The following TTLL3 variants were observed in gnomAD, a reference collection of about 807,000 sequenced individuals.
TTLL3 encodes the protein tubulin tyrosine ligase like 3.
A neutral mutation model predicts 75.2 loss-of-function variants in TTLL3; 63 were observed. That is an observed-to-expected ratio of 0.84 (90% CI 0.68 to 1.03). The LOEUF (loss-of-function observed/expected upper bound fraction) is 1.03. TTLL3 is among the 50% of genes least tolerant of loss of function. TTLL3 has a pLI of 0.00. For missense variants in TTLL3, 997 were observed against 1,069.9 expected, an observed-to-expected ratio of 0.93 and a Z score of 0.95; for synonymous variants, 393 against 418.5, an observed-to-expected ratio of 0.94 and a Z score of 0.74.
chr3:9,834,899 C>T lies in TTLL3; in HGVS notation c.2044C>T (p.Pro682Ser). ...DFKVAPSILK[P>S]RKAPALLCLR... ...CAAGGTGGCACCCAGCATCCTGAAGCCAAGAAAGGTGGGCCTCGACCTGTG... is the reference window on the plus strand; with the variant it reads ...CAAGGTGGCACCCAGCATCCTGAAGTCAAGAAAGGTGGGCCTCGACCTGTG... The change falls in exon 13 of 14, where the codon CCA (proline) becomes TCA (serine). Residue 682 changes from proline to serine, a missense_variant. Coordinates refer to ENST00000685419, the MANE Select transcript of TTLL3 (RefSeq NM_001387446.1). The T allele has an allele frequency of 6.2e-7, 1 of 1,614,224 alleles. No individual in the cohort carries two copies. Among genetic ancestry groups the T allele is most frequent in the Non-Finnish European group, 8.5e-7 (1 of 1,180,046 alleles).
chr3:9,824,737 CTTTT>C (rs71052207), intron 8 of TTLL3, among the ~76,000 whole-genome samples: 4 of 80,678 alleles, frequency 5.0e-5, no homozygotes, highest in Non-Finnish European at 7.3e-5. Flanking sequence ...CTTTTCTTTT[CTTTT>C]TTTTTTTTTT....
chr3:9,835,104 T>G lies in TTLL3; in HGVS notation c.2063T>G (p.Leu688Arg), dbSNP rs541205147. The G allele has an allele frequency of 6.2e-7, 1 of 1,610,338 alleles. No homozygotes were observed. The highest frequency in any genetic ancestry group is 1.1e-5 in the South Asian group (1 of 90,628). Residue 688 changes from leucine to arginine, a missense_variant, in exon 14 of 14, where the codon CTC becomes CGC. Transcript: ENST00000685419. The stretch of plus-strand genomic sequence containing the variant: ...TCCTTTCACACCGAGGCTCCTGCTC[T>G]CCTGTGCCTCCGAGGCCCCCAGCTG... The part of the protein sequence containing the change: ...SILKPRKAPA[L>R]LCLRGPQLEV...
In TTLL3 at chr3:9,820,585, T is replaced by C. The variant is rs775244521; in HGVS notation, c.698T>C (p.Leu233Ser). The C allele has an allele frequency of 2.5e-6, 4 of 1,614,056 alleles. No homozygotes were observed. In the Admixed American group the frequency reaches 6.7e-5, roughly 27 times the overall value. The change falls in exon 8 of 14, where the codon TTG becomes TCG. Residue 233 changes from leucine to serine, a missense_variant. Leu to Ser is a moderately radical substitution (Grantham distance 145). Coordinates refer to ENST00000685419, the MANE Select transcript of TTLL3 (RefSeq NM_001387446.1). Reference sequence around the variant, plus strand: ...AAGAAACAGGAGAAAAACCCAGTGTTGGTGTCCCCAGAGTTTGTGGATGAA... The same window carrying C: ...AAGAAACAGGAGAAAAACCCAGTGTCGGTGTCCCCAGAGTTTGTGGATGAA... ...QPKKQEKNPV[L>S]VSPEFVDEAL...
At position 9,834,733 on chromosome 3, in the gene TTLL3, T is replaced by A; in HGVS notation, c.1878T>A (p.His626Gln). The change falls in exon 13 of 14, where the codon CAT becomes CAA. Residue 626 changes from histidine to glutamine, a missense_variant. Transcript: ENST00000685419. Reference protein sequence around the residue: ...LHTKAQLPSPHVLRHQGQVLR... With the variant: ...LHTKAQLPSPQVLRHQGQVLR... ...CCAAGGCCCAGCTGCCTTCTCCCCA[T>A]GTACTCCGACACCAGGGCCAGGTCC... The A allele has an allele frequency of 6.2e-7, 1 of 1,614,166 alleles. No homozygotes were observed. Among genetic ancestry groups the A allele is most frequent in the South Asian group, 1.1e-5 (1 of 91,076 alleles).
At position 9,818,837 on chromosome 3, in the gene TTLL3, C is replaced by G. The variant is rs537290229; in HGVS notation, c.575C>G (p.Thr192Ser). ...KKAFIEDFWLTAARNVLKLVV... is the reference protein window; with the variant it reads ...KKAFIEDFWLSAARNVLKLVV... ...CTGGGAGCAGAGGACTTCTGGCTGACTGCTGCCCGCAACGTTCTCAAGCTG... is the reference window on the plus strand; with the variant it reads ...CTGGGAGCAGAGGACTTCTGGCTGAGTGCTGCCCGCAACGTTCTCAAGCTG... The change falls in exon 7 of 14, where the codon ACT becomes AGT. Residue 192 changes from threonine to serine, a missense_variant. Transcript: ENST00000685419. 6.2e-7 allele frequency: 1 copy of G among 1,614,128 alleles called. No homozygotes were observed. The highest frequency in any genetic ancestry group is 1.1e-5 in the South Asian group (1 of 91,082).
At chr3:9,812,299 G>T (rs2079426819) in intron 2 of TTLL3, among the ~76,000 whole-genome samples, 1 of 152,130 alleles carries the variant, frequency 6.6e-6, no homozygotes, top group South Asian at 2.1e-4. Flanking sequence ...GCCTTGGCCT[G>T]AGGCCAGGAG....
chr3:9,816,335 G>C lies in TTLL3; in HGVS notation c.444+133G>C, dbSNP rs1470724175. ...GGGAAGTATACAATTCAGAAAATTT[G>C]GAGTCTGACCAGTATCTGGCAAGTT... On this transcript the variant is annotated intron_variant, in intron 5 of 13. Transcript: ENST00000685419. 9.2e-6 allele frequency: 9 copies of C among 981,792 alleles called. No individual in the cohort carries two copies. The East Asian group carries it at 5.6e-4, about 61-fold the overall frequency. 60.8% of individuals were successfully genotyped at this position (981,792 alleles called of 1,614,324 possible).
At chr3:9,811,967 T>G (rs1461564011) in intron 2 of TTLL3, among the ~76,000 whole-genome samples, 2 of 152,230 alleles carry the variant, frequency 1.3e-5, no homozygotes, top group Admixed American at 1.3e-4. Context: ...ACTGCCAGGA[T>G]GTAAATCCCT....
chr3:9,826,725 C>CAAAAAA (rs36060940), intron 9 of TTLL3, among the ~76,000 whole-genome samples: 1 of 75,240 alleles, frequency 1.3e-5, no homozygotes, highest in Non-Finnish European at 2.6e-5. Context: ...AGGGCTGTCT[C>CAAAAAA]AAAAAAAAAA....
chr3:9,821,939 C>T (rs2080451628), intron 8 of TTLL3, among the ~76,000 whole-genome samples: 1 of 146,264 alleles, frequency 6.8e-6, no homozygotes, highest in Non-Finnish European at 1.5e-5. Context: ...GGAGTCGGAG[C>T]TTGCAGTGAG....
intron 11 of TTLL3, among the ~76,000 whole-genome samples, chr3:9,831,802 T>C (rs2081562057): frequency 6.7e-6 from 1 of 150,320 alleles, no homozygotes; most frequent in African/African-American, 2.4e-5. Flanking sequence ...TTTGATTTTT[T>C]TTTTTTTTTT....
chr3:9,830,038 T>G (rs1032409339), intron 11 of TTLL3, among the ~76,000 whole-genome samples: 8 of 152,160 alleles, frequency 5.3e-5, no homozygotes, highest in African/African-American at 1.9e-4. Context: ...ATACAGGGTT[T>G]TGCCATGTTG....
At chr3:9,820,213 A>G in intron 7 of TTLL3, 1 of 1,089,190 alleles carries the variant, frequency 9.2e-7, no homozygotes, top group Non-Finnish European at 1.1e-6. Context: ...CACATAGGCC[A>G]AGACTCCCAG....
At position 9,833,104 on chromosome 3, in the gene TTLL3, C is replaced by T; in HGVS notation, c.1684C>T (p.Pro562Ser). Residue 562 changes from proline (P) to serine (S), a missense_variant and splice_region_variant, in exon 12 of 14, where the codon CCT becomes TCT. Coordinates refer to ENST00000685419, the MANE Select transcript of TTLL3 (RefSeq NM_001387446.1). ...CCTTGTCTCCTCTTCTTGCCCACAGCCTGCTGTGGAGGTGCCTCAATATGT... is the reference window on the plus strand; with the variant it reads ...CCTTGTCTCCTCTTCTTGCCCACAGTCTGCTGTGGAGGTGCCTCAATATGT... The part of the protein sequence containing the change: ...TGAFELIYKQ[P>S]AVEVPQYVGI... The T allele has an allele frequency of 6.2e-7, 1 of 1,614,102 alleles. No individual in the cohort carries two copies. The highest frequency in any genetic ancestry group is 8.5e-7 in the Non-Finnish European group (1 of 1,179,930).
chr3:9,810,422 G>A lies in TTLL3; in HGVS notation c.-42+28G>A. The A allele has an allele frequency of 7.0e-7, 1 of 1,423,548 alleles. No individual in the cohort carries two copies. The allele number at this position is 1,423,548 out of a possible 1,614,324, so 88.2% of individuals were successfully genotyped here. A position where few individuals can be genotyped will look rare whatever the true frequency, so the allele number is the denominator to read the frequency against. On this transcript the variant is annotated intron_variant, in intron 1 of 13. Coordinates refer to ENST00000685419, the MANE Select transcript of TTLL3 (RefSeq NM_001387446.1). This position sits in a 1 kb window ranked among gnomAD's most constrained non-coding sequence, Gnocchi z 4.4. ...GAGGCCCGTGCGGCCCGCTCGCTCT[G>A]GCCTACAGCGGCTGCGAGGACGACA...
intron 10 of TTLL3, 180 bp from the exon 11 acceptor site, chr3:9,828,779 GC>G (rs2124950822): frequency 1.3e-6 from 1 of 761,696 alleles, no homozygotes; most frequent in Non-Finnish European, 2.1e-6. Context: ...AGTGGTTCTG[GC>G]CCTAGAAGAA....
At chr3:9,829,521 T>C in intron 11 of TTLL3, 126 bp downstream of exon 11, 1 of 1,249,638 alleles carries the variant, frequency 8.0e-7, no homozygotes, top group Non-Finnish European at 1.1e-6. Context: ...CTGGTCCTGC[T>C]AAGGTGACCT....
At chr3:9,823,194 T>C (rs1395861379) in intron 8 of TTLL3, among the ~76,000 whole-genome samples, 2 of 151,858 alleles carry the variant, frequency 1.3e-5, no homozygotes, top group African/African-American at 2.4e-5. Flanking sequence ...CCATCCTGGC[T>C]AACATGGTGA....
Position 9,818,888 on chromosome 3 carries a change from A to T in TTLL3, c.626A>T (p.Tyr209Phe). 1 of 1,614,046 alleles carries T rather than the reference A, an allele frequency of 6.2e-7. No homozygotes were observed. The highest frequency in any genetic ancestry group is 2.2e-5 in the East Asian group (1 of 44,876). Residue 209 changes from tyrosine to phenylalanine, a missense_variant, in exon 7 of 14, where the codon TAC (tyrosine) becomes TTC (phenylalanine). Coordinates refer to ENST00000685419, the MANE Select transcript of TTLL3 (RefSeq NM_001387446.1). ...KLVVKSEWKS[Y>F]PIQAVEEEAS... ...GTGGTGAAGTCTGAGTGGAAGTCAT[A>T]CCCTATTCAGGCAGTAGAGGAAGAG...
Sources: allele counts gnomAD v4.1 joint callset (sites outside exome capture counted in the v4.1 genomes callset), GRCh38; gene constraint gnomAD v4.1.1; non-coding constraint Gnocchi (gnomAD v3.1); transcripts MANE v1.5; gene names NCBI Gene and HGNC (gene_info 2026-07-23, HGNC 2026-07-21).